Variants in NBEA observed in about 807,000 individuals in gnomAD.
NBEA encodes lysosomal-trafficking regulator 2.
A neutral mutation model predicts 343.4 loss-of-function variants in NBEA; 44 were observed. That is an observed-to-expected ratio of 0.13 (90% CI 0.10 to 0.16). The LOEUF (loss-of-function observed/expected upper bound fraction) is 0.16. Among genes scored for constraint, NBEA ranks in the 10% least tolerant of loss-of-function variants. The probability of loss-of-function intolerance (pLI) is 1.00; values close to 1 mark genes in which losing one functional copy is unlikely to be tolerated. For synonymous variants in NBEA, 1,175 were observed against 1,238.7 expected (o/e 0.95, Z 1.08); for missense variants, 2,555 against 3,631.3 (o/e 0.70, Z 7.62).
chr13:35,460,984 A>G (rs1398975577), intron 40 of NBEA, among the ~76,000 whole-genome samples: 1 of 152,162 alleles, frequency 6.6e-6, no homozygotes, highest in African/African-American at 2.4e-5. Flanking sequence ...ATGCTATCTC[A>G]GGTCTCTCTT....
At chr13:35,667,239 C>G in intron 56 of NBEA, 135 bp from the exon 57 acceptor site, 1 of 692,586 alleles carries the variant, frequency 1.4e-6, no homozygotes, top group Non-Finnish European at 2.5e-6. Flanking sequence ...AGCGCTTGGC[C>G]TGGCCAGCCT....
intron 41 of NBEA, among the ~76,000 whole-genome samples, chr13:35,503,376 A>G (rs182680533): frequency 1.3e-5 from 2 of 152,030 alleles, no homozygotes; most frequent in East Asian, 1.9e-4. Context: ...AGATCATAGT[A>G]TAAAGATTAT....
At chr13:35,592,735 A>G (rs947682027) in intron 46 of NBEA, among the ~76,000 whole-genome samples, 2 of 152,104 alleles carry the variant, frequency 1.3e-5, no homozygotes, top group African/African-American at 2.4e-5. Flanking sequence ...TTGTAAAACA[A>G]ATTAGGTAGT....
At chr13:35,359,941 T>C (rs1390589939) in intron 38 of NBEA, among the ~76,000 whole-genome samples, 1 of 151,978 alleles carries the variant, frequency 6.6e-6, no homozygotes, top group Non-Finnish European at 1.5e-5. Context: ...AGCACACCTA[T>C]GTATTGACGG....
intron 38 of NBEA, among the ~76,000 whole-genome samples, chr13:35,357,462 G>A (rs562596128): frequency 1.3e-5 from 2 of 151,896 alleles, no homozygotes; most frequent in Non-Finnish European, 2.9e-5. Flanking sequence ...CCTCCACCCT[G>A]TCATAGGCCC....
chr13:35,227,552 G>C (rs1229880606), intron 33 of NBEA, among the ~76,000 whole-genome samples: 1 of 151,880 alleles, frequency 6.6e-6, no homozygotes, highest in African/African-American at 2.4e-5. Flanking sequence ...TTATGTCTGA[G>C]TAAATCTTTT....
intron 8 of NBEA, among the ~76,000 whole-genome samples, chr13:35,069,223 T>C (rs2063770807): frequency 6.6e-6 from 1 of 152,148 alleles, no homozygotes; most frequent in South Asian, 2.1e-4. Flanking sequence ...AATACTGATA[T>C]GTGATTATTG....
chr13:35,179,653 T>G (rs1388780433), intron 28 of NBEA: 1 of 363,354 alleles, frequency 2.8e-6, no homozygotes, highest in East Asian at 1.7e-4. Flanking sequence ...GCTGCCACTG[T>G]GTAGTTGGCA....
intron 39 of NBEA, among the ~76,000 whole-genome samples, chr13:35,433,696 G>T (rs1055313160): frequency 6.6e-6 from 1 of 151,916 alleles, no homozygotes; most frequent in African/African-American, 2.4e-5. Context: ...GAAAAAATAT[G>T]CTGGAAAAAA....
chr13:35,244,583 C>G (rs1339416307), intron 34 of NBEA, among the ~76,000 whole-genome samples: 2 of 151,914 alleles, frequency 1.3e-5, no homozygotes, highest in African/African-American at 4.8e-5. Context: ...ATTAGTCTTG[C>G]TTTGGCTATG....
intron 36 of NBEA, among the ~76,000 whole-genome samples, chr13:35,340,909 T>TAC (rs1275789251): frequency 3.2e-5 from 4 of 124,164 alleles, no homozygotes; most frequent in African/African-American, 1.2e-4. Flanking sequence ...TTCTAAAATA[T>TAC]GGAATTGCAA....
At chr13:35,046,129 T>G (rs1324249459) in intron 4 of NBEA, among the ~76,000 whole-genome samples, 3 of 152,182 alleles carry the variant, frequency 2.0e-5, no homozygotes, top group African/African-American at 7.2e-5. Flanking sequence ...TCTCTTTTTT[T>G]GAGTAGTATG....
chr13:35,127,858 T>A (rs1196060667), intron 17 of NBEA, among the ~76,000 whole-genome samples: 1 of 151,994 alleles, frequency 6.6e-6, no homozygotes, highest in East Asian at 1.9e-4. Context: ...TAAAGATCAG[T>A]AAGCATAACA....
chr13:35,598,894 C>G (rs547113005), intron 47 of NBEA, among the ~76,000 whole-genome samples: 2 of 152,264 alleles, frequency 1.3e-5, no homozygotes, highest in Admixed American at 6.5e-5. Flanking sequence ...CTAGGCCCTT[C>G]TATTGCTTGA....
chr13:35,144,091 T>C (rs1369510077), intron 18 of NBEA, among the ~76,000 whole-genome samples: 2 of 152,152 alleles, frequency 1.3e-5, no homozygotes, highest in Non-Finnish European at 2.9e-5. Flanking sequence ...AATTTCGGTC[T>C]CTGCAAATAA....
At chr13:35,216,420 T>C (rs1034752925) in intron 33 of NBEA, among the ~76,000 whole-genome samples, 11 of 151,946 alleles carry the variant, frequency 7.2e-5, no homozygotes, top group African/African-American at 2.4e-4. Flanking sequence ...ACAGAGACGA[T>C]ATGGCCTAAA....
intron 1 of NBEA, among the ~76,000 whole-genome samples, chr13:34,969,771 G>GT (rs561654911): frequency 0.05 from 7,266 of 145,798 alleles, 258 homozygotes; most frequent in Non-Finnish European, 0.072. Context: ...TATATACCAC[G>GT]TTTTTTTTTT....
intron 39 of NBEA, among the ~76,000 whole-genome samples, chr13:35,444,961 A>G (rs1434462048): frequency 6.6e-6 from 1 of 152,168 alleles, no homozygotes; most frequent in African/African-American, 2.4e-5. Flanking sequence ...CCTGTACTTC[A>G]TGCTATCATT....
At chr13:35,084,636 A>T (rs970131000) in intron 10 of NBEA, among the ~76,000 whole-genome samples, 2 of 152,192 alleles carry the variant, frequency 1.3e-5, no homozygotes, top group Admixed American at 1.3e-4. Context: ...AGCAGGAAAG[A>T]TCTAAAATTG....
Sources: gnomAD v4.1 joint callset for allele counts (sites outside exome capture counted in the v4.1 genomes callset) on GRCh38, gnomAD v4.1.1 for gene constraint, MANE v1.5 for transcripts, NCBI Gene and HGNC (gene_info 2026-07-23, HGNC 2026-07-21) for gene names.